The following SMIM14 variants were observed in gnomAD, a reference collection of about 807,000 sequenced individuals.
The protein encoded by SMIM14 is chromosome 4 open reading frame 34.
A neutral mutation model predicts 12.6 loss-of-function variants in SMIM14; 5 were observed. The observed-to-expected ratio is 0.40, with a 90% CI of 0.21 to 0.83. The LOEUF (loss-of-function observed/expected upper bound fraction) is 0.83, where lower values mean the gene tolerates loss of function less well. SMIM14 is among the 40% of genes least tolerant of loss of function. The probability of loss-of-function intolerance (pLI) is 0.37; values close to 1 mark genes in which losing one functional copy is unlikely to be tolerated. For missense variants in SMIM14, 86 were observed against 119.1 expected (o/e 0.72, Z 1.29); for synonymous variants, 30 against 40.1 (o/e 0.75, Z 0.95).
At position 39,590,520 on chromosome 4, in the gene SMIM14, G is replaced by A. The variant is rs138769861; in HGVS notation, c.75+14551C>T. ...ACATCACTAAAAATCCATAGTTATC[G>A]GCTGGGCGTGGTGGCTCACGCCTGT... On this transcript the variant is annotated intron_variant, in intron 2 of 4. Coordinates refer to ENST00000295958, the MANE Select transcript of SMIM14 (RefSeq NM_174921.3). Among the ~76,000 whole-genome samples, 875 of 150,142 alleles carry A rather than the reference G, an allele frequency of 5.8e-3. 3 individuals are homozygous for A. Among genetic ancestry groups the A allele is most frequent in the Middle Eastern group, 0.014 (4 of 282 alleles).
chr4:39,597,524 A>G (rs1714421164), intron 2 of SMIM14, among the ~76,000 whole-genome samples: 1 of 150,210 alleles, frequency 6.7e-6, no homozygotes, highest in Non-Finnish European at 1.5e-5. Context: ...GCTCACTGCA[A>G]GCTCTGCCTC....
At chr4:39,572,495 T>TA (rs1560287867) in intron 2 of SMIM14, 32 bp from the exon 3 acceptor site, 1 of 1,572,618 alleles carries the variant, frequency 6.4e-7, no homozygotes, top group Admixed American at 1.7e-5. Context: ...AGTTAGTGAT[T>TA]AGACTTAAAC....
chr4:39,632,496 A>C (rs1344710939), intron 1 of SMIM14, among the ~76,000 whole-genome samples: 1 of 150,906 alleles, frequency 6.6e-6, no homozygotes, highest in Non-Finnish European at 1.5e-5. Flanking sequence ...AAAAAAAAAA[A>C]AAAACCTTCA....
intron 3 of SMIM14, among the ~76,000 whole-genome samples, chr4:39,562,902 G>A (rs978097170): frequency 5.3e-5 from 8 of 151,514 alleles, no homozygotes; most frequent in East Asian, 1.9e-4. Flanking sequence ...CCTAAGCCTC[G>A]CAAAGTGCTA....
intron 4 of SMIM14, among the ~76,000 whole-genome samples, chr4:39,554,861 G>C (rs1711928590): frequency 8.1e-6 from 1 of 124,138 alleles, no homozygotes; most frequent in African/African-American, 3.1e-5. Context: ...TTGAGACGAA[G>C]TTTCACTCTC....
rs1432369898 is a variant in SMIM14 at position 39,581,518 on chromosome 4, C to CTTTTTTTT, written c.76-9063_76-9056dup. On this transcript the variant is annotated intron_variant, in intron 2 of 4. Coordinates refer to ENST00000295958, the MANE Select transcript of SMIM14 (RefSeq NM_174921.3). ...TTTTCGTTTTTTTCCTTTTCTTTTT[C>CTTTTTTTT]TTTTTTTTTTTTTTTGAGACAGGGT... is the stretch of plus-strand genomic sequence containing the variant. 4.4e-3 allele frequency among the ~76,000 whole-genome samples: 575 copies of CTTTTTTTT among 132,038 alleles called. 6 individuals carry two copies. Among genetic ancestry groups the CTTTTTTTT allele is most frequent in the African/African-American group, 0.014 (497 of 36,748 alleles). The allele number at this position is 132,038 out of a possible 152,430, so 86.6% of individuals were successfully genotyped here.
chr4:39,608,284 CCTGT>C (rs1373693613), intron 1 of SMIM14, among the ~76,000 whole-genome samples: 2 of 152,110 alleles, frequency 1.3e-5, no homozygotes, highest in Non-Finnish European at 2.9e-5. Flanking sequence ...TGAGCAAGAC[CCTGT>C]CTGTATTTAT....
Position 39,605,191 on chromosome 4 carries a change from G to GC in SMIM14, c.-35-12_-35-11insG. On this transcript the variant is annotated splice_polypyrimidine_tract_variant and intron_variant, in intron 1 of 4. Coordinates refer to ENST00000295958, the MANE Select transcript of SMIM14 (RefSeq NM_174921.3). ...CTTGACTGTTTAAATCTAGGAGGAA[G>GC]GAAAAAATACTGTTAAGTCTACAAT... The GC allele has an allele frequency of 6.7e-7, 1 of 1,487,702 alleles. No individual in the cohort carries two copies. Among genetic ancestry groups the GC allele is most frequent in the Non-Finnish European group, 9.1e-7 (1 of 1,098,218 alleles). The allele number at this position is 1,487,702 out of a possible 1,614,324, so 92.2% of individuals were successfully genotyped here.
chr4:39,598,667 C>T (rs1363908323), intron 2 of SMIM14, among the ~76,000 whole-genome samples: 1 of 152,148 alleles, frequency 6.6e-6, no homozygotes, highest in Non-Finnish European at 1.5e-5. Context: ...ACTGTAATTA[C>T]TTTTTCTTTT....
intron 2 of SMIM14, among the ~76,000 whole-genome samples, chr4:39,599,443 AG>A (rs1560299311): frequency 6.6e-6 from 1 of 151,884 alleles, no homozygotes; most frequent in South Asian, 2.1e-4. Flanking sequence ...ACTAAACTTG[AG>A]GGGGCTTGGG....
intron 2 of SMIM14, chr4:39,588,040 C>A (rs1279995857): frequency 6.6e-6 from 1 of 152,218 alleles, no homozygotes; most frequent in South Asian, 2.1e-4. Flanking sequence ...CAGCTACTCA[C>A]CAGCATCAAC....
chr4:39,569,863 T>G (rs898327920), intron 3 of SMIM14, among the ~76,000 whole-genome samples: 1 of 152,332 alleles, frequency 6.6e-6, no homozygotes. Flanking sequence ...CAAATTCTCC[T>G]TTATACACAA....
At chr4:39,565,678 C>T (rs965842996) in intron 3 of SMIM14, among the ~76,000 whole-genome samples, 4 of 152,050 alleles carry the variant, frequency 2.6e-5, no homozygotes, top group African/African-American at 9.7e-5. Context: ...TTTGACAGAA[C>T]CACTCCATCT....
At chr4:39,557,469 A>G (rs1329370432) in intron 3 of SMIM14, among the ~76,000 whole-genome samples, 1 of 152,090 alleles carries the variant, frequency 6.6e-6, no homozygotes, top group Non-Finnish European at 1.5e-5. Context: ...AACTCTTTCC[A>G]TTTTAAGAAT....
intron 2 of SMIM14, chr4:39,593,302 C>A (rs1714194892): frequency 6.6e-6 from 1 of 152,088 alleles, no homozygotes; most frequent in African/African-American, 2.4e-5. Flanking sequence ...AAGACAAAAA[C>A]CACATGATTA....
chr4:39,572,720 G>A (rs1712966427), intron 2 of SMIM14, among the ~76,000 whole-genome samples: 1 of 152,062 alleles, frequency 6.6e-6, no homozygotes, highest in Admixed American at 6.6e-5. Context: ...TATTAGGGAG[G>A]CTGAGGTGGG....
chr4:39,576,658 G>GTGTGTA (rs1713186082), intron 2 of SMIM14, among the ~76,000 whole-genome samples: 1 of 40,420 alleles, frequency 2.5e-5, no homozygotes. Flanking sequence ...GTGTGTGTAT[G>GTGTGTA]TGTATATATA....
At chr4:39,553,710 C>G (rs1306566476) in intron 4 of SMIM14, among the ~76,000 whole-genome samples, 4 of 151,742 alleles carry the variant, frequency 2.6e-5, no homozygotes, top group African/African-American at 9.7e-5. Flanking sequence ...TCTCCTGCCT[C>G]AGCCTCACAA....
intron 1 of SMIM14, among the ~76,000 whole-genome samples, chr4:39,628,159 T>C (rs1164272817): frequency 6.7e-6 from 1 of 148,988 alleles, no homozygotes; most frequent in Admixed American, 6.7e-5. Flanking sequence ...ATACAAAAAT[T>C]AGCCAGGTGT....
Sources: gnomAD v4.1 joint callset for allele counts (sites outside exome capture counted in the v4.1 genomes callset) on GRCh38, gnomAD v4.1.1 for gene constraint, MANE v1.5 for transcripts, NCBI Gene and HGNC (gene_info 2026-07-23, HGNC 2026-07-21) for gene names.